Variants in TENM3 observed in about 807,000 individuals in gnomAD.
TENM3 encodes teneurin transmembrane protein 3, also known as teneurin-3.
In TENM3, 63 loss-of-function variants were observed where a neutral mutation model predicts 255.1. The ratio of observed to expected loss-of-function variants is 0.25; its 90% CI spans 0.20 to 0.30. The LOEUF is 0.30. Among genes scored for constraint, TENM3 ranks in the 10% least tolerant of loss-of-function variants. The probability of loss-of-function intolerance (pLI) is 1.00; values close to 1 mark genes in which losing one functional copy is unlikely to be tolerated. For missense variants in TENM3, 2,929 were observed against 3,461.1 expected, an observed-to-expected ratio of 0.85 and a Z score of 3.86; for synonymous variants, 1,306 against 1,322.3, an observed-to-expected ratio of 0.99 and a Z score of 0.27.
At chr4:181,519,931 C>T in the TENM3 span, among the ~76,000 whole-genome samples, 1 of 152,144 alleles carries the variant, frequency 6.6e-6, no homozygotes, top group Non-Finnish European at 1.5e-5. Context: ...CCACATGACT[C>T]GTTCGGCACA....
intron 12 of TENM3, among the ~76,000 whole-genome samples, chr4:182,709,277 C>A (rs1377442459): frequency 1.3e-5 from 2 of 152,144 alleles, no homozygotes; most frequent in Admixed American, 6.5e-5. Context: ...GCCACCGCAT[C>A]CAGCTCTGGA....
intron 1 of TENM3, among the ~76,000 whole-genome samples, chr4:182,176,338 CTG>C (rs1458814167): frequency 6.6e-6 from 1 of 151,556 alleles, no homozygotes; most frequent in Non-Finnish European, 1.5e-5. Flanking sequence ...ATTACCTCCT[CTG>C]TGTGATTCAG....
At chr4:181,838,201 A>G in the TENM3 span, among the ~76,000 whole-genome samples, 1 of 152,062 alleles carries the variant, frequency 6.6e-6, no homozygotes, top group Non-Finnish European at 1.5e-5. Context: ...AGCCTCTAGC[A>G]GATTTGCATT....
At chr4:182,218,202 T>C in intron 1 of TENM3, among the ~76,000 whole-genome samples, 1 of 152,182 alleles carries the variant, frequency 6.6e-6, no homozygotes, top group South Asian at 2.1e-4. Flanking sequence ...TTTGAATCAC[T>C]AGTCTGTCCT....
the TENM3 span, among the ~76,000 whole-genome samples, chr4:182,034,596 C>T: frequency 7.2e-5 from 11 of 152,096 alleles, no homozygotes; most frequent in Non-Finnish European, 1.3e-4. Context: ...TGAATTCCCT[C>T]GGCATTTGGT....
chr4:182,503,350 A>G (rs560136756), intron 3 of TENM3, among the ~76,000 whole-genome samples: 46 of 152,160 alleles, frequency 3.0e-4, no homozygotes, highest in African/African-American at 1.0e-3. Context: ...GTTTCTTCTC[A>G]TTGCTTCAGT....
intron 1 of TENM3, among the ~76,000 whole-genome samples, chr4:182,279,093 G>A (rs1760201746): frequency 1.3e-5 from 2 of 152,170 alleles, no homozygotes; most frequent in Admixed American, 1.3e-4. Context: ...CCAGCAATTC[G>A]AAGTTGCTTA....
the TENM3 span, among the ~76,000 whole-genome samples, chr4:182,048,093 C>T: frequency 6.6e-6 from 1 of 152,256 alleles, no homozygotes; most frequent in Admixed American, 6.5e-5. Flanking sequence ...CATATAAGAA[C>T]TCATTTAATC....
the TENM3 span, among the ~76,000 whole-genome samples, chr4:181,779,901 C>T: frequency 4.6e-5 from 7 of 152,118 alleles, no homozygotes; most frequent in African/African-American, 1.4e-4. Flanking sequence ...GGTTTCTTGT[C>T]CTTGCAACAG....
the TENM3 span, among the ~76,000 whole-genome samples, chr4:181,494,581 C>A: frequency 4.0e-5 from 6 of 151,812 alleles, no homozygotes; most frequent in Non-Finnish European, 8.8e-5. Context: ...CCACCGCACC[C>A]GGCTCAGCTT....
rs1391017874 is a variant in TENM3 at position 182,353,695 on chromosome 4, T to C, written c.511+6766T>C. Among the ~76,000 whole-genome samples, 6 of 152,314 alleles carry C rather than the reference T, an allele frequency of 3.9e-5. No homozygotes were observed. The East Asian group carries it at 7.7e-4, about 20-fold the overall frequency. The stretch of plus-strand genomic sequence containing the variant: ...AAGTTATGATTTAACTGGCTGGGCG[T>C]GGTGGCTCACGCCTGTAATCCCAGC... On this transcript the variant is annotated intron_variant, in intron 3 of 27. Transcript: ENST00000511685.
chr4:181,547,513 A>C, the TENM3 span, among the ~76,000 whole-genome samples: 1 of 152,176 alleles, frequency 6.6e-6, no homozygotes, highest in Non-Finnish European at 1.5e-5. Flanking sequence ...ATTATTTTAA[A>C]CATGTACAAA....
intron 3 of TENM3, among the ~76,000 whole-genome samples, chr4:182,473,894 G>A (rs970281220): frequency 6.7e-6 from 1 of 149,914 alleles, no homozygotes; most frequent in Non-Finnish European, 1.5e-5. Flanking sequence ...GGAGTTCAAG[G>A]TTGCAGTGAG....
intron 1 of TENM3, among the ~76,000 whole-genome samples, chr4:182,145,441 T>C (rs888317597): frequency 1.3e-5 from 2 of 152,204 alleles, no homozygotes; most frequent in Non-Finnish European, 2.9e-5. Flanking sequence ...TCTAAGTCCC[T>C]CTCGTGTTTT....
chr4:182,512,062 G>A (rs1737459016), intron 3 of TENM3, among the ~76,000 whole-genome samples: 1 of 152,132 alleles, frequency 6.6e-6, no homozygotes, highest in African/African-American at 2.4e-5. Flanking sequence ...TTCTTAACCA[G>A]GAACTCTCAT....
chr4:182,278,640 C>T (rs1258992967), intron 1 of TENM3, among the ~76,000 whole-genome samples: 1 of 150,694 alleles, frequency 6.6e-6, no homozygotes, highest in Non-Finnish European at 1.5e-5. Context: ...CATGCCCTTT[C>T]CCAGTGCCTG....
the TENM3 span, among the ~76,000 whole-genome samples, chr4:181,654,708 C>T: frequency 1.3e-4 from 19 of 148,072 alleles, no homozygotes; most frequent in Middle Eastern, 3.5e-3. Flanking sequence ...GAGCCGAGAT[C>T]GCGCCACTGC....
the TENM3 span, among the ~76,000 whole-genome samples, chr4:182,098,955 CTTTTTTTCTT>C: frequency 7.5e-6 from 1 of 133,830 alleles, no homozygotes; most frequent in Admixed American, 7.9e-5. Flanking sequence ...GTGCACAACT[CTTTTTTTCTT>C]TTTTTTTTTT....
chr4:182,012,355 A>G, the TENM3 span, among the ~76,000 whole-genome samples: 1 of 152,112 alleles, frequency 6.6e-6, no homozygotes, highest in Non-Finnish European at 1.5e-5. Flanking sequence ...AGTACTTAAT[A>G]TTTCCTTATC....
Sources: gnomAD v4.1 joint callset for allele counts (sites outside exome capture counted in the v4.1 genomes callset) on GRCh38, gnomAD v4.1.1 for gene constraint, MANE v1.5 for transcripts, NCBI Gene and HGNC (gene_info 2026-07-23, HGNC 2026-07-21) for gene names.